The following ATP8A2 variants were observed in gnomAD, a reference collection of about 807,000 sequenced individuals.
ATP8A2 encodes the protein phospholipid-transporting ATPase IB.
Under a neutral mutation model 165.6 loss-of-function variants are expected in ATP8A2, and 100 were observed. The observed-to-expected ratio is 0.60, with a 90% CI of 0.51 to 0.71. The LOEUF is 0.71. ATP8A2 is among the 30% of genes least tolerant of loss of function. ATP8A2 has a pLI of 0.00. For missense variants in ATP8A2, 1,227 were observed against 1,479.5 expected, an observed-to-expected ratio of 0.83 and a Z score of 2.80; for synonymous variants, 543 against 548.8, an observed-to-expected ratio of 0.99 and a Z score of 0.15.
chr13:25,387,020 C>A (rs1010619943), intron 1 of ATP8A2, among the ~76,000 whole-genome samples: 11 of 151,942 alleles, frequency 7.2e-5, no homozygotes, highest in Non-Finnish European at 1.6e-4. Flanking sequence ...CAAAACAAAA[C>A]AAAAAACAGG....
intron 33 of ATP8A2, among the ~76,000 whole-genome samples, chr13:25,951,596 A>AGATCT (rs1376421493): frequency 2.6e-5 from 4 of 152,156 alleles, no homozygotes; most frequent in African/African-American, 9.7e-5. Flanking sequence ...TAATGGCTGA[A>AGATCT]GATCTGTGCA....
intron 2 of ATP8A2, among the ~76,000 whole-genome samples, chr13:25,479,323 G>T (rs891893156): frequency 2.0e-4 from 30 of 152,122 alleles, no homozygotes; most frequent in African/African-American, 7.2e-4. Flanking sequence ...AATGCTTTTG[G>T]CCGATTTGTC....
chr13:25,395,200 T>C (rs1038229118), intron 1 of ATP8A2, among the ~76,000 whole-genome samples: 2 of 152,166 alleles, frequency 1.3e-5, no homozygotes, highest in African/African-American at 2.4e-5. Flanking sequence ...GGCAGGGTTT[T>C]CCACCCACTA....
intron 1 of ATP8A2, among the ~76,000 whole-genome samples, chr13:25,425,660 T>C (rs7335165): frequency 0.39 from 53,997 of 137,040 alleles, 12,914 homozygotes; most frequent in East Asian, 0.59. Context: ...CTGCAACCTC[T>C]GCCTCCTGGG....
intron 25 of ATP8A2, among the ~76,000 whole-genome samples, chr13:25,710,803 C>G (rs906670902): frequency 2.3e-5 from 3 of 129,200 alleles, no homozygotes; most frequent in Non-Finnish European, 3.6e-5. Context: ...CTAGTAAACT[C>G]CAAGGGATGA....
chr13:25,707,128 A>G (rs1414676883), intron 25 of ATP8A2, among the ~76,000 whole-genome samples: 1 of 152,182 alleles, frequency 6.6e-6, no homozygotes, highest in Non-Finnish European at 1.5e-5. Context: ...AAAATAGCTC[A>G]CGTGAATCAT....
At chr13:25,551,258 G>T in intron 10 of ATP8A2, 80 bp from the exon 11 acceptor site, 1 of 1,346,146 alleles carries the variant, frequency 7.4e-7, no homozygotes, top group Non-Finnish European at 1.0e-6. Flanking sequence ...GTTAAATATG[G>T]TTGTTTTACC....
intron 1 of ATP8A2, among the ~76,000 whole-genome samples, chr13:25,454,043 A>T (rs1252831515): frequency 2.6e-5 from 4 of 152,166 alleles, no homozygotes; most frequent in Non-Finnish European, 4.4e-5. Context: ...TAGGATGGTT[A>T]GTCATAATGA....
At chr13:25,524,886 ACTTCCTTC>A (rs58154499) in intron 2 of ATP8A2, among the ~76,000 whole-genome samples, 15,753 of 141,580 alleles carry the variant, frequency 0.11, 1,044 homozygotes, top group Admixed American at 0.17. Context: ...TTGTTTGATA[ACTTCCTTC>A]CTTCCTTCCT....
chr13:25,556,011 A>G (rs749527559), intron 13 of ATP8A2, among the ~76,000 whole-genome samples: 10 of 152,032 alleles, frequency 6.6e-5, no homozygotes, highest in South Asian at 2.1e-4. Context: ...TCTTTATCCA[A>G]TCCACTGTTG....
chr13:25,533,914 A>C (rs2038196063), intron 6 of ATP8A2, among the ~76,000 whole-genome samples: 1 of 152,072 alleles, frequency 6.6e-6, no homozygotes, highest in African/African-American at 2.4e-5. Context: ...TAGCTTTTTA[A>C]ATGAGTGTTT....
At chr13:25,828,904 G>A (rs1566180042) in intron 28 of ATP8A2, among the ~76,000 whole-genome samples, 1 of 152,126 alleles carries the variant, frequency 6.6e-6, no homozygotes, top group African/African-American at 2.4e-5. Context: ...CCCTAGAATG[G>A]CCCATTTTTT....
At chr13:25,869,000 C>T (rs1247442398) in intron 33 of ATP8A2, among the ~76,000 whole-genome samples, 1 of 132,086 alleles carries the variant, frequency 7.6e-6, no homozygotes, top group African/African-American at 2.9e-5. Flanking sequence ...ACCCAGGAGG[C>T]GGAGCTTGCA....
intron 25 of ATP8A2, among the ~76,000 whole-genome samples, chr13:25,753,145 T>A (rs1208581151): frequency 2.0e-5 from 3 of 152,084 alleles, no homozygotes; most frequent in African/African-American, 7.2e-5. Flanking sequence ...CATGGGGCGC[T>A]GCTGATCAGA....
At position 25,512,999 on chromosome 13, in the gene ATP8A2, G is replaced by C. The variant is rs1485931142; in HGVS notation, c.222-17000G>C. Reference sequence around the variant, plus strand: ...TCCCTCCCGGACGGGGTGGCTGGCCGGGCGGGGGGCTGACCCCCCCCACCT... The same window carrying C: ...TCCCTCCCGGACGGGGTGGCTGGCCCGGCGGGGGGCTGACCCCCCCCACCT... On this transcript the variant is annotated intron_variant, in intron 2 of 36. Transcript: ENST00000381655. Among the ~76,000 whole-genome samples, 685 of 135,116 alleles carry C rather than the reference G, an allele frequency of 5.1e-3. 4 individuals carry two copies. The highest frequency in any genetic ancestry group is 9.3e-3 in the Non-Finnish European group (554 of 59,482). 88.6% of individuals were successfully genotyped at this position (135,116 alleles called of 152,430 possible).
intron 24 of ATP8A2, among the ~76,000 whole-genome samples, chr13:25,670,166 G>T (rs567788091): frequency 6.6e-6 from 1 of 152,284 alleles, no homozygotes; most frequent in East Asian, 1.9e-4. Context: ...GTCAGTATTT[G>T]TTAGCTTACT....
intron 33 of ATP8A2, among the ~76,000 whole-genome samples, chr13:25,943,396 T>G (rs2139116561): frequency 6.6e-6 from 1 of 152,310 alleles, no homozygotes; most frequent in South Asian, 2.1e-4. Context: ...AATGCCATAT[T>G]TGTACTGTAC....
intron 2 of ATP8A2, among the ~76,000 whole-genome samples, chr13:25,493,544 C>T (rs962369956): frequency 5.9e-5 from 9 of 152,242 alleles, no homozygotes; most frequent in Admixed American, 2.0e-4. Context: ...TAAACATATG[C>T]GGGAACCGGA....
intron 35 of ATP8A2, among the ~76,000 whole-genome samples, chr13:25,984,906 T>A (rs1237142993): frequency 6.6e-6 from 1 of 152,212 alleles, no homozygotes; most frequent in Admixed American, 6.5e-5. Flanking sequence ...CATACTTCAT[T>A]TGAGATTGTT....
Sources: allele counts gnomAD v4.1 joint callset (sites outside exome capture counted in the v4.1 genomes callset), GRCh38; gene constraint gnomAD v4.1.1; transcripts MANE v1.5; gene names NCBI Gene and HGNC (gene_info 2026-07-23, HGNC 2026-07-21).